OAS3: variants seen among roughly 807,000 people sequenced by gnomAD.
OAS3 encodes the protein 2'-5'-oligoadenylate synthase 3.
In OAS3, 107 loss-of-function variants were observed where a neutral mutation model predicts 113.0. The observed-to-expected ratio is 0.95, with a 90% confidence interval of 0.81 to 1.11. The LOEUF is 1.11. Ranked by LOEUF, OAS3 falls within the 50% of genes most tolerant of loss-of-function variation. The pLI is 0.00. For missense variants in OAS3, 1,258 were observed against 1,389.1 expected (o/e 0.91, Z 1.50); for synonymous variants, 552 against 573.6 (o/e 0.96, Z 0.54).
intron 7 of OAS3, among the ~76,000 whole-genome samples, chr12:112,957,833 G>A (rs528249343): frequency 6.6e-6 from 1 of 152,260 alleles, no homozygotes; most frequent in Non-Finnish European, 1.5e-5. Flanking sequence ...GTCTTCTCGA[G>A]GAGTATCTTT....
chr12:112,953,076 G>C (rs1220882670), intron 7 of OAS3, among the ~76,000 whole-genome samples: 1 of 152,082 alleles, frequency 6.6e-6, no homozygotes, highest in Non-Finnish European at 1.5e-5. Context: ...CCATGTTGGT[G>C]TGCTGCACCC....
chr12:112,950,574 G>A (rs2043779401), intron 6 of OAS3, 119 bp from the exon 7 acceptor site: 2 of 1,189,566 alleles, frequency 1.7e-6, no homozygotes, highest in East Asian at 2.3e-5. Flanking sequence ...ATAGTCCCCA[G>A]ACCTGACATC....
intron 8 of OAS3, among the ~76,000 whole-genome samples, chr12:112,961,569 C>T (rs1316200296): frequency 6.6e-6 from 1 of 152,132 alleles, no homozygotes; most frequent in African/African-American, 2.4e-5. Context: ...ATATTACCCC[C>T]ACCACATGTC....
At chr12:112,950,659 G>A (rs1403273194) in intron 6 of OAS3, 34 bp from the exon 7 acceptor site, 3 of 1,607,864 alleles carry the variant, frequency 1.9e-6, no homozygotes, top group African/African-American at 2.7e-5. Context: ...GGCTCCTAGA[G>A]GGTCCCTGAT....
At chr12:112,951,874 T>C (rs2043796815) in intron 7 of OAS3, among the ~76,000 whole-genome samples, 1 of 146,942 alleles carries the variant, frequency 6.8e-6, no homozygotes, top group Non-Finnish European at 1.5e-5. Context: ...TAGCCTGGCA[T>C]GGTGGCACGC....
Position 112,946,824 on chromosome 12 carries a change from G to A in OAS3, c.718G>A (p.Gly240Ser), listed in dbSNP as rs1016130048. 5 of 1,613,634 alleles carry A rather than the reference G, an allele frequency of 3.1e-6. No homozygotes were observed. Among genetic ancestry groups the A allele is most frequent in the South Asian group, 2.2e-5 (2 of 91,010 alleles). Residue 240 changes from glycine (G) to serine (S), a missense_variant, in exon 4 of 16, where the codon GGC becomes AGC. Coordinates refer to ENST00000228928, the MANE Select transcript of OAS3 (RefSeq NM_006187.4). The part of the protein sequence containing the change: ...ELLTIFAWEQ[G>S]CKKDAFSLAE... ...GCTGACCATCTTCGCCTGGGAGCAG[G>A]GCTGTAAGAAGGATGCTTTCAGCCT...
Position 112,950,619 on chromosome 12 carries a change from G to T in OAS3, c.1375-74G>T. 4.6e-6 allele frequency: 7 copies of T among 1,537,790 alleles called. No homozygotes were observed. In the Admixed American group the frequency reaches 5.4e-5, roughly 12 times the overall value. On this transcript the variant is annotated intron_variant, in intron 6 of 15. Transcript: ENST00000228928. Reference sequence around the variant, plus strand: ...GCAGGTTCCAGGCTGTAGATGGGGCGCAGGTGATGGGATCGTAGTCCGACT... The same window carrying T: ...GCAGGTTCCAGGCTGTAGATGGGGCTCAGGTGATGGGATCGTAGTCCGACT...
In OAS3 at chr12:112,963,257, G is replaced by A. The variant is rs145367478; in HGVS notation, c.2085-56G>A. The A allele has an allele frequency of 3.1e-5, 47 of 1,496,164 alleles. 1 individual carries two copies. Among genetic ancestry groups the A allele is most frequent in the African/African-American group, 3.1e-4 (22 of 71,652 alleles). The allele number at this position is 1,496,164 out of a possible 1,614,324, so 92.7% of individuals were successfully genotyped here. A position where few individuals can be genotyped will look rare whatever the true frequency, so the allele number is the denominator to read the frequency against. On this transcript the variant is annotated intron_variant, in intron 9 of 15. Transcript: ENST00000228928. The surrounding 1 kb of genome is among the most constrained non-coding windows in gnomAD (Gnocchi z 4.6). ...ACGCCCCTTTTCAGCCCTTCCACCCGCCTCCTCTTTCACTGACTCCCACCT... is the reference window on the plus strand; with the variant it reads ...ACGCCCCTTTTCAGCCCTTCCACCCACCTCCTCTTTCACTGACTCCCACCT...
rs569545493 is a variant in OAS3 at position 112,962,659 on chromosome 12, C to T, written c.1841C>T (p.Ala614Val). ...LVKHWYRQVA[A>V]QNKGKGPAPA... ...TGGCCTTGTGTGACACAGGTTGCGG[C>T]TCAGAACAAAGGAAAAGGACCAGCC... The change falls in exon 9 of 16, where the codon GCT (alanine) becomes GTT (valine). Residue 614 changes from alanine to valine, a missense_variant. Ala to Val is a moderately conservative substitution (Grantham distance 64). Transcript: ENST00000228928. The T allele has an allele frequency of 2.5e-5, 40 of 1,613,794 alleles. 2 individuals are homozygous for T. The African/African-American group carries it at 2.8e-4, about 11-fold the overall frequency.
At chr12:112,938,745 G>A in intron 1 of OAS3, 38 bp downstream of exon 1, 2 of 1,450,670 alleles carry the variant, frequency 1.4e-6, no homozygotes, top group Non-Finnish European at 1.8e-6. Flanking sequence ...TGTCCAAAGG[G>A]GAGTCCTGGG....
chr12:112,965,134 G>A (rs2043922614), intron 11 of OAS3, among the ~76,000 whole-genome samples: 1 of 152,226 alleles, frequency 6.6e-6, no homozygotes, highest in African/African-American at 2.4e-5. Flanking sequence ...AGACAAGTGA[G>A]ACCCAGATCA....
At chr12:112,943,597 C>G (rs981489491) in intron 2 of OAS3, among the ~76,000 whole-genome samples, 1 of 152,222 alleles carries the variant, frequency 6.6e-6, no homozygotes, top group African/African-American at 2.4e-5. Flanking sequence ...CATGGAATTT[C>G]TCTGTGCCTC....
Position 112,950,761 on chromosome 12 carries a change from C to T in OAS3, c.1443C>T (p.Asn481=), listed in dbSNP as rs1401664818. 1 of 1,614,040 alleles carries T rather than the reference C, an allele frequency of 6.2e-7. No homozygotes were observed. Among genetic ancestry groups the T allele is most frequent in the Non-Finnish European group, 8.5e-7 (1 of 1,179,892 alleles). The part of the protein sequence containing the change: ...GCDVELIIFL[N]CFTDYKDQGP... ...ATGTTGAACTCATCATCTTCCTCAA[C>T]TGCTTCACGGACTACAAGGACCAGG... The change falls in exon 7 of 16, where the codon AAC becomes AAT. Residue 481 remains asparagine, a synonymous_variant. Coordinates refer to ENST00000228928, the MANE Select transcript of OAS3 (RefSeq NM_006187.4).
intron 4 of OAS3, among the ~76,000 whole-genome samples, chr12:112,947,344 A>G (rs2043742947): frequency 6.6e-6 from 1 of 152,196 alleles, no homozygotes; most frequent in Admixed American, 6.5e-5. Context: ...TAACCTTCCA[A>G]AATAACCCCA....
Position 112,950,744 on chromosome 12 carries a change from C to G in OAS3, c.1426C>G (p.Leu476Val). 1 of 1,614,064 alleles carries G rather than the reference C, an allele frequency of 6.2e-7. No homozygotes were observed. Among genetic ancestry groups the G allele is most frequent in the Non-Finnish European group, 8.5e-7 (1 of 1,179,910 alleles). The change falls in exon 7 of 16, where the codon CTC becomes GTC. Residue 476 changes from leucine to valine, a missense_variant. Physicochemically the swap from Leu to Val is conservative, Grantham distance 32. Transcript: ENST00000228928. Reference protein sequence around the residue: ...TDLRDGCDVELIIFLNCFTDY... With the variant: ...TDLRDGCDVEVIIFLNCFTDY... The stretch of plus-strand genomic sequence containing the variant: ...CCTAAGGGATGGCTGTGATGTTGAA[C>G]TCATCATCTTCCTCAACTGCTTCAC...
intron 14 of OAS3, chr12:112,969,363 G>A (rs138371813): frequency 1.8e-6 from 1 of 544,982 alleles, no homozygotes; most frequent in African/African-American, 1.9e-5. Context: ...CCTGAATAAG[G>A]AAGGGGTAAG....
chr12:112,949,322 G>A (rs1731210830), intron 6 of OAS3, 117 bp downstream of exon 6: 1 of 772,446 alleles, frequency 1.3e-6, no homozygotes, highest in Admixed American at 2.8e-5. Context: ...GCCCAGGAAG[G>A]ATGATTTGCT....
rs1301410499 is a variant in OAS3, at chr12:112,944,542, A to C, written c.527A>C (p.Gln176Pro). 3.1e-6 allele frequency: 5 copies of C among 1,613,896 alleles called. No homozygotes were observed. In the South Asian group the frequency reaches 5.5e-5, roughly 18 times the overall value. Reference protein sequence around the residue: ...VYSTLLNSGCQGGEHAACFTE... With the variant: ...VYSTLLNSGCPGGEHAACFTE... Reference sequence around the variant, plus strand: ...TCTACCCTCCTCAACAGTGGCTGCCAAGGGGGCGAGCATGCGGCCTGCTTC... The same window carrying C: ...TCTACCCTCCTCAACAGTGGCTGCCCAGGGGGCGAGCATGCGGCCTGCTTC... Residue 176 changes from glutamine to proline, a missense_variant, in exon 3 of 16, where the codon CAA becomes CCA. Coordinates refer to ENST00000228928, the MANE Select transcript of OAS3 (RefSeq NM_006187.4).
rs1366129488 is a variant in OAS3, at chr12:112,967,407, C to G, written c.2690-11C>G. On this transcript the variant is annotated splice_polypyrimidine_tract_variant and intron_variant, in intron 12 of 15. Transcript: ENST00000228928. ...GAGCCGGAGTGATGGTAACCATCTC[C>G]CCATCTCCAGGCCAGCTGGTCTCTG... is the stretch of plus-strand genomic sequence containing the variant. 1.2e-6 allele frequency: 2 copies of G among 1,606,908 alleles called. No individual in the cohort carries two copies. The highest frequency in any genetic ancestry group is 4.5e-5 in the East Asian group (2 of 44,598).
Sources: allele counts gnomAD v4.1 joint callset (sites outside exome capture counted in the v4.1 genomes callset), GRCh38; gene constraint gnomAD v4.1.1; non-coding constraint Gnocchi (gnomAD v3.1); transcripts MANE v1.5; gene names NCBI Gene and HGNC (gene_info 2026-07-23, HGNC 2026-07-21).